NMT1: variants seen among roughly 807,000 people sequenced by gnomAD.
NMT1 encodes glycylpeptide N-tetradecanoyltransferase 1.
NMT1 carries 12 observed loss-of-function variants against 63.4 expected under a neutral mutation model. The observed-to-expected ratio is 0.19, with a 90% CI of 0.12 to 0.31. The LOEUF (loss-of-function observed/expected upper bound fraction) is 0.31. Among genes scored for constraint, NMT1 ranks in the 10% least tolerant of loss-of-function variants. NMT1 has a pLI of 1.00. For missense variants in NMT1, 432 were observed against 634.6 expected, an observed-to-expected ratio of 0.68 and a Z score of 3.43; for synonymous variants, 228 against 234.3, an observed-to-expected ratio of 0.97 and a Z score of 0.25.
chr17:45,103,985 C>G lies in NMT1; in HGVS notation c.1332+109C>G, dbSNP rs745869137. 2.5e-6 allele frequency: 4 copies of G among 1,599,086 alleles called. No individual in the cohort carries two copies. The African/African-American group carries it at 5.3e-5, about 21-fold the overall frequency. ...CTCCCATGGGCTGGAGGCTCTGAGCCCTCCTCATCTGTTCTGCTTAGGCAG... is the reference window on the plus strand; with the variant it reads ...CTCCCATGGGCTGGAGGCTCTGAGCGCTCCTCATCTGTTCTGCTTAGGCAG... On this transcript the variant is annotated intron_variant, in intron 10 of 11. Transcript: ENST00000258960. The surrounding 1 kb of genome is among the most constrained non-coding windows in gnomAD (Gnocchi z 4.8).
rs868307518 is a variant in NMT1, at chr17:45,077,581, G to A, written c.132-4063G>A. The stretch of plus-strand genomic sequence containing the variant: ...AATTTTGTATTTTTAGTAGAGACAG[G>A]GTTTCTCCTTATTGGTCAGGCTGGT... On this transcript the variant is annotated intron_variant, in intron 1 of 11. Coordinates refer to ENST00000258960, the MANE Select transcript of NMT1 (RefSeq NM_021079.5). Among the ~76,000 whole-genome samples the A allele has an allele frequency of 2.0e-5, 3 of 152,294 alleles. No individual in the cohort carries two copies. The South Asian group carries it at 6.2e-4, about 32-fold the overall frequency.
chr17:45,099,844 C>G (rs1238990893), intron 8 of NMT1: 1 of 264,108 alleles, frequency 3.8e-6, no homozygotes, highest in African/African-American at 2.2e-5. Flanking sequence ...CCTTCATACA[C>G]ACGGCAGCGC....
chr17:45,080,391 C>T (rs1223309697), intron 1 of NMT1, among the ~76,000 whole-genome samples: 1 of 151,238 alleles, frequency 6.6e-6, no homozygotes, highest in Non-Finnish European at 1.5e-5. Flanking sequence ...AACTCTGCAC[C>T]TCAGGTGATC....
intron 1 of NMT1, chr17:45,061,663 C>G (rs2053860897): frequency 1.9e-6 from 1 of 533,606 alleles, no homozygotes; most frequent in Non-Finnish European, 3.3e-6. Context: ...CGGAGACGTT[C>G]AGTACTTTTA....
At chr17:45,094,282 C>G (rs892884947) in intron 4 of NMT1, among the ~76,000 whole-genome samples, 2 of 151,804 alleles carry the variant, frequency 1.3e-5, no homozygotes, top group Admixed American at 1.3e-4. Context: ...ATCATGAGGT[C>G]AGGAGTTTGA....
chr17:45,074,674 G>A (rs781309974), intron 1 of NMT1, among the ~76,000 whole-genome samples: 15 of 152,142 alleles, frequency 9.9e-5, no homozygotes, highest in Non-Finnish European at 1.6e-4. Flanking sequence ...TCTGCCTTCT[G>A]GGGGAGGAGG....
intron 3 of NMT1, 110 bp from the exon 4 acceptor site, chr17:45,093,575 T>C: frequency 2.6e-6 from 2 of 773,174 alleles, no homozygotes; most frequent in African/African-American, 3.5e-5. Context: ...GTTCTTCAGA[T>C]AGAGGGCTCC....
At chr17:45,080,465 C>CTTT (rs35346554) in intron 1 of NMT1, among the ~76,000 whole-genome samples, 4 of 70,190 alleles carry the variant, frequency 5.7e-5, no homozygotes, top group Non-Finnish European at 8.4e-5. Flanking sequence ...CAGCCTTTTC[C>CTTT]TTTTTTTTTT....
intron 7 of NMT1, among the ~76,000 whole-genome samples, chr17:45,099,129 C>G (rs1438213341): frequency 6.6e-6 from 1 of 152,150 alleles, no homozygotes; most frequent in Admixed American, 6.6e-5. Context: ...TGACTTGATT[C>G]TAGGAGTGAG....
At chr17:45,074,620 T>C (rs1567863105) in intron 1 of NMT1, among the ~76,000 whole-genome samples, 1 of 152,196 alleles carries the variant, frequency 6.6e-6, no homozygotes, top group African/African-American at 2.4e-5. Flanking sequence ...CTTGAGTTGA[T>C]CAACTTTAGA....
chr17:45,075,510 G>A (rs2053971876), intron 1 of NMT1, among the ~76,000 whole-genome samples: 1 of 150,916 alleles, frequency 6.6e-6, no homozygotes, highest in Non-Finnish European at 1.5e-5. Context: ...GGCTGGGCGT[G>A]GTGGCTCACG....
rs771565194 is a variant in NMT1, at chr17:45,081,757, C to T, written c.240+5C>T. 1.3e-6 allele frequency: 2 copies of T among 1,546,128 alleles called. No homozygotes were observed. Among genetic ancestry groups the T allele is most frequent in the South Asian group, 1.2e-5 (1 of 83,484 alleles). On this transcript the variant is annotated splice_donor_5th_base_variant and intron_variant, in intron 2 of 11. Transcript: ENST00000258960. ...GCCCAGGATCAGCCTGTGAAGGTAA[C>T]AAGGAGGTTCTGTTTTTTGTGACTC...
chr17:45,076,452 A>G (rs111439215), intron 1 of NMT1, among the ~76,000 whole-genome samples: 1 of 139,308 alleles, frequency 7.2e-6, no homozygotes, highest in Non-Finnish European at 1.5e-5. Flanking sequence ...CTCATTAAAG[A>G]AAAAAAAAAA....
chr17:45,104,702 C>G lies in NMT1; in HGVS notation c.1333-157C>G, dbSNP rs565684214. Reference sequence around the variant, plus strand: ...CGCTCAGAGTGTCCTGAGAACCACCCGGAGAGCGGGGATTAACGTGGAAGC... The same window carrying G: ...CGCTCAGAGTGTCCTGAGAACCACCGGGAGAGCGGGGATTAACGTGGAAGC... On this transcript the variant is annotated intron_variant, in intron 10 of 11. Coordinates refer to ENST00000258960, the MANE Select transcript of NMT1 (RefSeq NM_021079.5). The surrounding 1 kb of genome is among the most constrained non-coding windows in gnomAD (Gnocchi z 4.2). The G allele has an allele frequency of 4.1e-6, 6 of 1,455,048 alleles. No individual in the cohort carries two copies. Among genetic ancestry groups the G allele is most frequent in the Non-Finnish European group, 4.5e-6 (5 of 1,106,130 alleles). The allele number at this position is 1,455,048 out of a possible 1,614,324, so 90.1% of individuals were successfully genotyped here.
intron 1 of NMT1, among the ~76,000 whole-genome samples, chr17:45,077,712 A>G (rs151041853): frequency 2.0e-5 from 3 of 152,264 alleles, no homozygotes; most frequent in African/African-American, 4.8e-5. Flanking sequence ...TTTAAATCTT[A>G]TAATGCTTCA....
At chr17:45,074,217 C>CT (rs5820559) in intron 1 of NMT1, among the ~76,000 whole-genome samples, 25,157 of 140,088 alleles carry the variant, frequency 0.18, 2,350 homozygotes, top group African/African-American at 0.23. Flanking sequence ...TAAAAGATGA[C>CT]TTTTTTTTTT....
intron 1 of NMT1, among the ~76,000 whole-genome samples, chr17:45,064,963 C>T (rs915640989): frequency 2.6e-5 from 4 of 152,178 alleles, no homozygotes; most frequent in African/African-American, 9.6e-5. Flanking sequence ...TTCTTCAGAT[C>T]GTCCCTAACC....
intron 4 of NMT1, among the ~76,000 whole-genome samples, chr17:45,094,270 G>A (rs529015402): frequency 4.8e-4 from 73 of 151,888 alleles, no homozygotes; most frequent in African/African-American, 1.7e-3. Context: ...TGAGGCAGGC[G>A]GATCATGAGG....
intron 3 of NMT1, among the ~76,000 whole-genome samples, chr17:45,093,431 G>A (rs2054102113): frequency 6.6e-6 from 1 of 152,260 alleles, no homozygotes; most frequent in Admixed American, 6.5e-5. Flanking sequence ...TGACCCAAGG[G>A]AGATTTAAAT....
Sources: gnomAD v4.1 joint callset for allele counts (sites outside exome capture counted in the v4.1 genomes callset) on GRCh38, gnomAD v4.1.1 for gene constraint, Gnocchi (gnomAD v3.1) non-coding constraint, MANE v1.5 for transcripts, NCBI Gene and HGNC (gene_info 2026-07-23, HGNC 2026-07-21) for gene names.